ENPP2: variants seen among roughly 807,000 people sequenced by gnomAD.
The protein encoded by ENPP2 is autotaxin.
A neutral mutation model predicts 120.2 loss-of-function variants in ENPP2; 51 were observed. The observed-to-expected ratio is 0.42, with a 90% CI of 0.34 to 0.54. The LOEUF is 0.54. Ranked by LOEUF, ENPP2 falls within the 20% of genes least tolerant of loss-of-function variation. ENPP2 has a pLI of 0.04. For missense variants in ENPP2, 920 were observed against 1,066.5 expected (o/e 0.86, Z 1.91); for synonymous variants, 365 against 366.4 (o/e 1.00, Z 0.04).
Position 119,631,204 on chromosome 8 carries a change from C to CT in ENPP2, c.137-4485dup, listed in dbSNP as rs60092023. On this transcript the variant is annotated intron_variant, in intron 2 of 24. Transcript: ENST00000075322. ...CCACTGCGCCCAGCCATGCTGCTAT[C>CT]TTTTTTTTTTTTTTTTTTTTTTTTT... Among the ~76,000 whole-genome samples, 255 of 61,780 alleles carry CT rather than the reference C, an allele frequency of 4.1e-3. 30 individuals carry two copies. Among genetic ancestry groups the CT allele is most frequent in the East Asian group, 6.9e-3 (15 of 2,172 alleles). 40.5% of individuals were successfully genotyped at this position (61,780 alleles called of 152,430 possible).
intron 1 of ENPP2, among the ~76,000 whole-genome samples, chr8:119,656,390 T>C (rs1243046119): frequency 6.6e-6 from 1 of 152,196 alleles, no homozygotes; most frequent in Admixed American, 6.5e-5. Context: ...CTCTCTGTAT[T>C]CGTTCCTCTC....
chr8:119,624,389 T>C (rs1816124393), intron 3 of ENPP2, among the ~76,000 whole-genome samples: 1 of 152,118 alleles, frequency 6.6e-6, no homozygotes, highest in South Asian at 2.1e-4. Flanking sequence ...ATAAGAGTAT[T>C]CAATGCTGAA....
intron 16 of ENPP2, 53 bp downstream of exon 16, chr8:119,583,909 C>A (rs1256648921): frequency 1.4e-6 from 2 of 1,457,082 alleles, no homozygotes; most frequent in Non-Finnish European, 1.9e-6. Flanking sequence ...CATTACTTAT[C>A]CTTTCGAAGA....
At chr8:119,666,008 C>T (rs1818057733) in intron 1 of ENPP2, among the ~76,000 whole-genome samples, 1 of 152,076 alleles carries the variant, frequency 6.6e-6, no homozygotes, top group African/African-American at 2.4e-5. Flanking sequence ...TACAATACAC[C>T]CATTGAAGAT....
chr8:119,616,267 G>A lies in ENPP2; in HGVS notation c.775C>T (p.Pro259Ser), dbSNP rs986661894. ...CACACAATAAATGCAAAACTTACCGGTTGACCTCCCCACCATCTATGATTA... is the reference window on the plus strand; with the variant it reads ...CACACAATAAATGCAAAACTTACCGATTGACCTCCCCACCATCTATGATTA... Reference protein sequence around the residue: ...KFNHRWWGGQPLWITATKQGV... With the variant: ...KFNHRWWGGQSLWITATKQGV... The change falls in exon 8 of 25, where the codon CCG becomes TCG. Residue 259 changes from proline (P) to serine (S), a missense_variant and splice_region_variant. Transcript: ENST00000075322. The A allele has an allele frequency of 6.2e-7, 1 of 1,600,308 alleles. No individual in the cohort carries two copies. Among genetic ancestry groups the A allele is most frequent in the South Asian group, 1.1e-5 (1 of 89,344 alleles).
chr8:119,657,576 G>A (rs1240500170), intron 1 of ENPP2, among the ~76,000 whole-genome samples: 1 of 150,876 alleles, frequency 6.6e-6, no homozygotes, highest in East Asian at 1.9e-4. Context: ...TAGCGATGCG[G>A]TCAACATGAC....
At chr8:119,658,032 C>A (rs960399725) in intron 1 of ENPP2, among the ~76,000 whole-genome samples, 2 of 152,128 alleles carry the variant, frequency 1.3e-5, no homozygotes, top group African/African-American at 4.8e-5. Flanking sequence ...CACGGCAACA[C>A]AATACAGTTA....
chr8:119,652,484 C>T (rs1056425850), intron 1 of ENPP2, among the ~76,000 whole-genome samples: 37 of 152,130 alleles, frequency 2.4e-4, no homozygotes, highest in African/African-American at 8.5e-4. Context: ...GTTATAGAAA[C>T]AGTTTATAGA....
At chr8:119,597,186 A>T (rs1813955290) in intron 11 of ENPP2, among the ~76,000 whole-genome samples, 1 of 152,188 alleles carries the variant, frequency 6.6e-6, no homozygotes, top group Non-Finnish European at 1.5e-5. Context: ...CACAGCCCCA[A>T]AGACTTTGGT....
chr8:119,637,716 C>T (rs1817085470), intron 2 of ENPP2, among the ~76,000 whole-genome samples: 1 of 152,144 alleles, frequency 6.6e-6, no homozygotes, highest in Non-Finnish European at 1.5e-5. Context: ...TTGCTTAAGA[C>T]CTGGTCAGTT....
intron 19 of ENPP2, among the ~76,000 whole-genome samples, chr8:119,576,138 A>ATTTTCT (rs1211150230): frequency 3.9e-5 from 6 of 152,098 alleles, no homozygotes; most frequent in Non-Finnish European, 7.4e-5. Context: ...GTTTAAGTCA[A>ATTTTCT]TTTTCTTTTT....
At chr8:119,579,337 A>T (rs1812569711) in intron 19 of ENPP2, among the ~76,000 whole-genome samples, 1 of 152,192 alleles carries the variant, frequency 6.6e-6, no homozygotes, top group South Asian at 2.1e-4. Context: ...TTTGGCCAGC[A>T]AACTGTGAAT....
chr8:119,669,680 T>G (rs1314760262), intron 1 of ENPP2, among the ~76,000 whole-genome samples: 1 of 152,228 alleles, frequency 6.6e-6, no homozygotes, highest in Non-Finnish European at 1.5e-5. Flanking sequence ...GTCTCAGAGT[T>G]GACTTGTCAT....
At chr8:119,584,086 T>A in intron 15 of ENPP2, 37 bp from the exon 16 acceptor site, 1 of 1,359,880 alleles carries the variant, frequency 7.4e-7, no homozygotes, top group South Asian at 1.2e-5. Flanking sequence ...TTAGAATTTC[T>A]CATGAAATTA....
At chr8:119,644,587 AAT>A (rs33966650) in intron 1 of ENPP2, among the ~76,000 whole-genome samples, 2,308 of 59,850 alleles carry the variant, frequency 0.039, 104 homozygotes, top group African/African-American at 0.089. Context: ...AGATTACTAA[AAT>A]ATATATATAT....
At chr8:119,641,844 G>T (rs2130853105), upstream of ENPP2, among the ~76,000 whole-genome samples, 1 of 152,280 alleles carries the variant, frequency 6.6e-6, no homozygotes, top group Admixed American at 6.5e-5. Flanking sequence ...ATAAGACCTG[G>T]TTCCTGCAGC....
chr8:119,581,822 C>A (rs539090673), intron 18 of ENPP2, among the ~76,000 whole-genome samples: 1 of 149,580 alleles, frequency 6.7e-6, no homozygotes, highest in Non-Finnish European at 1.5e-5. Context: ...TGTGGTGACA[C>A]AATCCCGGCT....
intron 4 of ENPP2, 83 bp downstream of exon 4, chr8:119,621,311 T>C: frequency 8.1e-7 from 1 of 1,238,282 alleles, no homozygotes; most frequent in South Asian, 1.2e-5. Context: ...TCCAGTGTGG[T>C]CTATTCCTAG....
In ENPP2 at chr8:119,669,718, CA is replaced by C. The variant is rs1818184491; in HGVS notation, c.21+3533del. Among the ~76,000 whole-genome samples, 3 of 152,222 alleles carry C rather than the reference CA, an allele frequency of 2.0e-5. No homozygotes were observed. The East Asian group carries it at 5.8e-4, about 29-fold the overall frequency. On this transcript the variant is annotated intron_variant, in intron 1 of 25. Coordinates refer to the ENPP2 transcript ENST00000427067. ...ACCCACTGAAAGTTCATACAAAGTG[CA>C]ATATGTGGTGTATCCTGCATTTTTT...
Sources: allele counts gnomAD v4.1 joint callset (sites outside exome capture counted in the v4.1 genomes callset), GRCh38; gene constraint gnomAD v4.1.1; transcripts MANE v1.5; gene names NCBI Gene and HGNC (gene_info 2026-07-23, HGNC 2026-07-21).